Variants in SOX6 observed in about 807,000 individuals in gnomAD.
SOX6 encodes SRY-box transcription factor 6.
Under a neutral mutation model 97.8 loss-of-function variants are expected in SOX6, and 11 were observed. The ratio of observed to expected loss-of-function variants is 0.11; its 90% CI spans 0.07 to 0.19. The LOEUF is 0.19. Ranked by LOEUF, SOX6 falls within the 10% of genes least tolerant of loss-of-function variation. The pLI is 1.00. For missense variants in SOX6, 810 were observed against 1,039.5 expected (o/e 0.78, Z 3.04); for synonymous variants, 360 against 371.4 (o/e 0.97, Z 0.35).
Position 16,078,605 on chromosome 11 carries a change from G to A in SOX6, c.1101+17391C>T, listed in dbSNP as rs557559357. ...TCATTTTGGTTTTGGAAAAGCAGACGTGGGCAGTGACTTTGTGGGAGGAGG... is the reference window on the plus strand; with the variant it reads ...TCATTTTGGTTTTGGAAAAGCAGACATGGGCAGTGACTTTGTGGGAGGAGG... On this transcript the variant is annotated intron_variant, in intron 9 of 15. Transcript: ENST00000683767. Among the ~76,000 whole-genome samples, 7 of 152,224 alleles carry A rather than the reference G, an allele frequency of 4.6e-5. No homozygotes were observed. The East Asian group carries it at 7.7e-4, about 17-fold the overall frequency.
chr11:16,444,555 C>G (rs1859576547), intron 1 of SOX6, among the ~76,000 whole-genome samples: 1 of 152,122 alleles, frequency 6.6e-6, no homozygotes, highest in African/African-American at 2.4e-5. Context: ...CAATTTTGTT[C>G]ACAGAATTCT....
intron 12 of SOX6, among the ~76,000 whole-genome samples, chr11:16,024,912 C>G (rs1046512403): frequency 6.6e-6 from 1 of 152,030 alleles, no homozygotes; most frequent in Non-Finnish European, 1.5e-5. Context: ...GTCTCCACAC[C>G]CCCGGCAAGG....
intron 2 of SOX6, among the ~76,000 whole-genome samples, chr11:16,728,929 A>C (rs1475807565): frequency 1.3e-5 from 2 of 152,228 alleles, no homozygotes; most frequent in African/African-American, 2.4e-5. Context: ...AACTTCATGA[A>C]GCATACACAA....
At chr11:16,187,618 C>T (rs190896830) in intron 4 of SOX6, among the ~76,000 whole-genome samples, 1 of 151,954 alleles carries the variant, frequency 6.6e-6, no homozygotes, top group African/African-American at 2.4e-5. Flanking sequence ...GCTTGGGGGG[C>T]TCTATCACCC....
At chr11:16,612,690 G>C (rs1188674637) in intron 3 of SOX6, among the ~76,000 whole-genome samples, 6 of 152,002 alleles carry the variant, frequency 3.9e-5, no homozygotes, top group African/African-American at 1.5e-4. Context: ...GCACAGACAC[G>C]AACTAAGACA....
At chr11:16,196,112 A>G (rs1015043128) in intron 4 of SOX6, among the ~76,000 whole-genome samples, 2 of 152,210 alleles carry the variant, frequency 1.3e-5, no homozygotes, top group African/African-American at 4.8e-5. Context: ...CAATAATAAT[A>G]GCTTAAACTT....
chr11:16,390,233 T>C (rs1047394649), intron 1 of SOX6, among the ~76,000 whole-genome samples: 2 of 145,028 alleles, frequency 1.4e-5, no homozygotes, highest in East Asian at 4.2e-4. Flanking sequence ...GCCCAAAGTC[T>C]GTTGCCTTGA....
At chr11:16,674,227 G>A (rs1847869343) in intron 3 of SOX6, among the ~76,000 whole-genome samples, 1 of 145,802 alleles carries the variant, frequency 6.9e-6, no homozygotes, top group Non-Finnish European at 1.5e-5. Context: ...TCATGATCAA[G>A]TGGGATTTAC....
rs140473523 is a variant in SOX6 at position 16,120,581 on chromosome 11, T to TATATATAC, written c.778-8659_778-8658insGTATATAT. On this transcript the variant is annotated intron_variant, in intron 6 of 15. Coordinates refer to ENST00000683767, the MANE Select transcript of SOX6 (RefSeq NM_001367873.1). ...CTTCACATATATATATATATATATA[T>TATATATAC]ACACACACTTTTCTGCATAAATATA... is the stretch of plus-strand genomic sequence containing the variant. 0.029 allele frequency among the ~76,000 whole-genome samples: 4,371 copies of TATATATAC among 149,496 alleles called. 338 individuals are homozygous for TATATATAC. In the East Asian group the frequency reaches 0.32, roughly 11 times the overall value.
In SOX6 at chr11:16,297,758, G is replaced by A. The variant is rs114953152; in HGVS notation, c.445+20688C>T. ...AAGCAGGTTGTCTGAATCAAAGTTG[G>A]ACAGAATAGACTCAACATTATTAAA... On this transcript the variant is annotated intron_variant, in intron 3 of 15. Transcript: ENST00000683767. 5.5e-3 allele frequency among the ~76,000 whole-genome samples: 843 copies of A among 152,224 alleles called. 14 individuals carry two copies. Among genetic ancestry groups the A allele is most frequent in the African/African-American group, 0.019 (806 of 41,532 alleles).
chr11:16,718,228 T>C (rs1196183687), intron 2 of SOX6, among the ~76,000 whole-genome samples: 1 of 151,842 alleles, frequency 6.6e-6, no homozygotes, highest in Non-Finnish European at 1.5e-5. Flanking sequence ...AGGCTTCTTT[T>C]TCAAAACAAA....
chr11:16,500,059 G>A (rs528531012), intron 4 of SOX6, among the ~76,000 whole-genome samples: 2 of 152,060 alleles, frequency 1.3e-5, no homozygotes, highest in Admixed American at 1.3e-4. Flanking sequence ...CAAAAATCCT[G>A]AATAAAATAC....
At chr11:16,425,896 A>G (rs536731503) in intron 1 of SOX6, among the ~76,000 whole-genome samples, 4 of 152,188 alleles carry the variant, frequency 2.6e-5, no homozygotes, top group Non-Finnish European at 4.4e-5. Context: ...TGTCCAAAGC[A>G]ATTTATAGAT....
intron 9 of SOX6, among the ~76,000 whole-genome samples, chr11:16,056,645 G>A (rs578159846): frequency 3.9e-5 from 6 of 151,918 alleles, no homozygotes; most frequent in Non-Finnish European, 4.4e-5. Flanking sequence ...ATTTATCTTC[G>A]TCATATTCTC....
Position 16,055,895 on chromosome 11 carries a change from A to G in SOX6, c.1108T>C (p.Tyr370His). The G allele has an allele frequency of 6.2e-7, 1 of 1,613,608 alleles. No homozygotes were observed. Among genetic ancestry groups the G allele is most frequent in the Non-Finnish European group, 8.5e-7 (1 of 1,179,744 alleles). ...TGCATGCTGGCCAGCTGAGCGGCAT[A>G]GAGCTGCTGCAAAACAGGGAAGACA... Reference protein sequence around the residue: ...SYNHKQIEQLYAAQLASMQVS... With the variant: ...SYNHKQIEQLHAAQLASMQVS... Residue 370 changes from tyrosine (Y) to histidine (H), a missense_variant, in exon 10 of 16, where the codon TAT becomes CAT. Physicochemically the swap from Tyr to His is moderately conservative, Grantham distance 83 (BLOSUM62 2). Coordinates refer to ENST00000683767, the MANE Select transcript of SOX6 (RefSeq NM_001367873.1).
At chr11:16,099,114 G>C (rs1848874530) in intron 7 of SOX6, among the ~76,000 whole-genome samples, 1 of 151,768 alleles carries the variant, frequency 6.6e-6, no homozygotes, top group Non-Finnish European at 1.5e-5. Flanking sequence ...GATTGCATAT[G>C]GAGCGCTGCT....
chr11:16,495,979 T>C (rs1354655729), intron 4 of SOX6, among the ~76,000 whole-genome samples: 2 of 152,146 alleles, frequency 1.3e-5, no homozygotes, highest in South Asian at 4.1e-4. Flanking sequence ...ATTGACACTG[T>C]TTACAGCCAA....
At chr11:16,651,437 G>A (rs1847652618) in intron 3 of SOX6, among the ~76,000 whole-genome samples, 1 of 152,034 alleles carries the variant, frequency 6.6e-6, no homozygotes, top group Admixed American at 6.5e-5. Flanking sequence ...TGATCAACTG[G>A]GTTTGATAAC....
At chr11:16,100,142 TG>T (rs1848908290) in intron 7 of SOX6, among the ~76,000 whole-genome samples, 1 of 151,850 alleles carries the variant, frequency 6.6e-6, no homozygotes, top group Non-Finnish European at 1.5e-5. Flanking sequence ...TCCCTTATGC[TG>T]CTCTAATTTT....
Sources: gnomAD v4.1 joint callset for allele counts (sites outside exome capture counted in the v4.1 genomes callset) on GRCh38, gnomAD v4.1.1 for gene constraint, MANE v1.5 for transcripts, NCBI Gene and HGNC (gene_info 2026-07-23, HGNC 2026-07-21) for gene names.